USP12: variants seen among roughly 807,000 people sequenced by gnomAD.
USP12 encodes ubiquitin specific peptidase 12.
A neutral mutation model predicts 45.5 loss-of-function variants in USP12; 19 were observed. The ratio of observed to expected loss-of-function variants is 0.42; its 90% confidence interval spans 0.29 to 0.61. USP12 has a LOEUF of 0.61. USP12 is among the 20% of genes least tolerant of loss of function. The pLI, the probability that USP12 is intolerant of heterozygous loss-of-function variation, is 0.22. For missense variants in USP12, 242 were observed against 447.7 expected (o/e 0.54, Z 4.15); for synonymous variants, 149 against 148.8 (o/e 1.00, Z -0.01).
intron 1 of USP12, among the ~76,000 whole-genome samples, chr13:27,125,645 G>A (rs888575861): frequency 1.3e-5 from 2 of 152,234 alleles, no homozygotes; most frequent in African/African-American, 4.8e-5. Context: ...GCGGAAGCAG[G>A]GTGGGGCGTC....
intron 3 of USP12, among the ~76,000 whole-genome samples, chr13:27,104,985 G>C (rs1256268845): frequency 1.3e-5 from 2 of 152,158 alleles, no homozygotes; most frequent in Non-Finnish European, 2.9e-5. Flanking sequence ...TCCCACATTA[G>C]ATAGAACACT....
At chr13:27,084,496 T>TG (rs1491105624) in intron 6 of USP12, among the ~76,000 whole-genome samples, 11 of 70,664 alleles carry the variant, frequency 1.6e-4, no homozygotes, top group Admixed American at 5.2e-4. Context: ...GACAGTGAGA[T>TG]GAAAAAAAAA....
At chr13:27,125,883 C>G (rs755215272) in intron 1 of USP12, among the ~76,000 whole-genome samples, 5 of 152,192 alleles carry the variant, frequency 3.3e-5, no homozygotes, top group African/African-American at 4.8e-5. Context: ...TGACCTGGGA[C>G]GCTGGAGCTT....
intron 1 of USP12, chr13:27,169,946 T>A (rs1231714850): frequency 2.3e-5 from 4 of 176,452 alleles, no homozygotes; most frequent in Non-Finnish European, 4.7e-5. Flanking sequence ...TGAAATCTAG[T>A]CTTTGACAAT....
At chr13:27,098,186 C>T (rs1257856806) in intron 3 of USP12, among the ~76,000 whole-genome samples, 1 of 152,020 alleles carries the variant, frequency 6.6e-6, no homozygotes, top group Admixed American at 6.6e-5. Context: ...ATTACGGATG[C>T]TCAACCTATA....
chr13:27,144,193 T>C (rs1471335521), intron 1 of USP12, among the ~76,000 whole-genome samples: 2 of 151,584 alleles, frequency 1.3e-5, no homozygotes, highest in African/African-American at 2.4e-5. Context: ...AGTAAGACTC[T>C]GACTCCCAAA....
At chr13:27,105,996 G>C (rs1875118096) in intron 2 of USP12, 52 bp from the exon 3 acceptor site, 2 of 1,481,596 alleles carry the variant, frequency 1.3e-6, no homozygotes, top group African/African-American at 2.8e-5. Context: ...ACATTTTCAA[G>C]AGAGAAATTC....
Position 27,106,059 on chromosome 13 carries a change from A to G in USP12, c.130-115T>C, listed in dbSNP as rs997594211. 11 of 832,896 alleles carry G rather than the reference A, an allele frequency of 1.3e-5. 1 individual carries two copies. The Admixed American group carries it at 2.3e-4, about 17-fold the overall frequency. The allele number at this position is 832,896 out of a possible 1,614,324, so 51.6% of individuals were successfully genotyped here. On this transcript the variant is annotated intron_variant, in intron 2 of 8. Coordinates refer to ENST00000282344, the MANE Select transcript of USP12 (RefSeq NM_182488.4). The stretch of plus-strand genomic sequence containing the variant: ...ATGACAATCGGTTACTACTGTTACT[A>G]TAACACTGACTGCATTATATTATAC...
intron 1 of USP12, among the ~76,000 whole-genome samples, chr13:27,158,942 G>T (rs1877972500): frequency 6.6e-6 from 1 of 152,152 alleles, no homozygotes; most frequent in Non-Finnish European, 1.5e-5. Flanking sequence ...TTTGGGGGGA[G>T]TGGGGGTGAC....
chr13:27,076,029 C>CAAAA (rs11458818), intron 6 of USP12, among the ~76,000 whole-genome samples: 1 of 98,042 alleles, frequency 1.0e-5, no homozygotes, highest in Non-Finnish European at 2.0e-5. Flanking sequence ...GGCTCCGTCT[C>CAAAA]AAAAAAAAAA....
intron 6 of USP12, among the ~76,000 whole-genome samples, chr13:27,081,109 C>A (rs1873738935): frequency 6.7e-6 from 1 of 148,476 alleles, no homozygotes; most frequent in South Asian, 2.1e-4. Context: ...CAGGCTGAGG[C>A]AATTTCTCAA....
chr13:27,114,746 G>C (rs1875631711), intron 2 of USP12, among the ~76,000 whole-genome samples: 1 of 149,944 alleles, frequency 6.7e-6, no homozygotes, highest in African/African-American at 2.5e-5. Flanking sequence ...TTAATCTGTG[G>C]GTATTTTCCT....
At chr13:27,091,593 G>A (rs1874318936) in intron 4 of USP12, among the ~76,000 whole-genome samples, 1 of 152,210 alleles carries the variant, frequency 6.6e-6, no homozygotes, top group Non-Finnish European at 1.5e-5. Flanking sequence ...ACAATATGGG[G>A]AGATCCCAGT....
intron 1 of USP12, among the ~76,000 whole-genome samples, chr13:27,119,773 C>T (rs1050192949): frequency 2.0e-5 from 3 of 152,186 alleles, no homozygotes; most frequent in Non-Finnish European, 4.4e-5. Context: ...GACAGACTGA[C>T]GGTAGCAGAT....
Position 27,111,331 on chromosome 13 carries a change from T to C in USP12, c.129+5185A>G, listed in dbSNP as rs912764483. 5.9e-5 allele frequency among the ~76,000 whole-genome samples: 9 copies of C among 152,226 alleles called. No individual in the cohort carries two copies. The South Asian group carries it at 1.2e-3, about 21-fold the overall frequency. ...TTATCTTTCAAGAGTAGAGCCTTCA[T>C]GCAAAAGGTTTTCTGGGATGATTTT... is the stretch of plus-strand genomic sequence containing the variant. On this transcript the variant is annotated intron_variant, in intron 2 of 8. Transcript: ENST00000282344.
chr13:27,100,747 G>A (rs1282595394), intron 3 of USP12, among the ~76,000 whole-genome samples: 1 of 152,224 alleles, frequency 6.6e-6, no homozygotes, highest in Non-Finnish European at 1.5e-5. Flanking sequence ...AAGTTGAGTT[G>A]AGGGGCTGAA....
chr13:27,090,012 C>T, intron 5 of USP12, 46 bp from the exon 6 acceptor site: 1 of 1,586,336 alleles, frequency 6.3e-7, no homozygotes, highest in Non-Finnish European at 8.6e-7. Context: ...ACCAGGAAAT[C>T]ATGTATCTTA....
intron 6 of USP12, among the ~76,000 whole-genome samples, chr13:27,089,034 A>G (rs927911327): frequency 1.3e-5 from 2 of 152,220 alleles, no homozygotes. Flanking sequence ...ACATTCTACA[A>G]AATAACTAAC....
intron 6 of USP12, among the ~76,000 whole-genome samples, chr13:27,075,706 A>G (rs1473015437): frequency 2.0e-5 from 3 of 152,104 alleles, no homozygotes; most frequent in African/African-American, 7.2e-5. Flanking sequence ...GTCTCTTATA[A>G]TAAGGCTAAA....
Sources: allele counts gnomAD v4.1 joint callset (sites outside exome capture counted in the v4.1 genomes callset), GRCh38; gene constraint gnomAD v4.1.1; transcripts MANE v1.5; gene names NCBI Gene and HGNC (gene_info 2026-07-23, HGNC 2026-07-21).